Variants in NRG1 observed in about 807,000 individuals in gnomAD.
NRG1 encodes the protein pro-neuregulin-1, membrane-bound isoform.
A neutral mutation model predicts 63.8 loss-of-function variants in NRG1; 18 were observed. The observed-to-expected ratio is 0.28, with a 90% CI of 0.19 to 0.42. NRG1 has a LOEUF of 0.42. Ranked by LOEUF, NRG1 falls within the 10% of genes least tolerant of loss-of-function variation. The probability of loss-of-function intolerance (pLI) is 1.00; values close to 1 mark genes in which losing one functional copy is unlikely to be tolerated. For synonymous variants in NRG1, 302 were observed against 301.3 expected, an observed-to-expected ratio of 1.00 and a Z score of -0.02; for missense variants, 762 against 814.7, an observed-to-expected ratio of 0.94 and a Z score of 0.79.
intron 1 of NRG1, among the ~76,000 whole-genome samples, chr8:32,527,726 C>G (rs918765455): frequency 6.6e-6 from 1 of 152,116 alleles, no homozygotes; most frequent in Non-Finnish European, 1.5e-5. Context: ...CTCATCCTTC[C>G]CTGACCTTTA....
At chr8:32,210,033 G>A (rs2132380687) in intron 1 of NRG1, among the ~76,000 whole-genome samples, 1 of 152,226 alleles carries the variant, frequency 6.6e-6, no homozygotes, top group African/African-American at 2.4e-5. Flanking sequence ...TTCTTCAGAA[G>A]CTTCCTGCAA....
At chr8:32,665,559 T>G (rs1325404456) in intron 5 of NRG1, among the ~76,000 whole-genome samples, 1 of 152,126 alleles carries the variant, frequency 6.6e-6, no homozygotes, top group Non-Finnish European at 1.5e-5. Flanking sequence ...TCCATGTAAT[T>G]TTGGTGATGT....
intron 1 of NRG1, among the ~76,000 whole-genome samples, chr8:32,542,982 C>T (rs1348916231): frequency 6.6e-6 from 1 of 152,124 alleles, no homozygotes; most frequent in Non-Finnish European, 1.5e-5. Flanking sequence ...AAATGATTGT[C>T]ACAGTAGGTA....
intron 1 of NRG1, among the ~76,000 whole-genome samples, chr8:32,205,556 C>T (rs1224715217): frequency 2.0e-5 from 3 of 152,100 alleles, no homozygotes; most frequent in Non-Finnish European, 4.4e-5. Flanking sequence ...ACCTCTCTGG[C>T]ATTGTGAACA....
chr8:32,286,823 C>A (rs983921086), intron 1 of NRG1, among the ~76,000 whole-genome samples: 1 of 152,038 alleles, frequency 6.6e-6, no homozygotes, highest in Non-Finnish European at 1.5e-5. Flanking sequence ...CTGGTGAAAC[C>A]CTGTCTGTAC....
intron 1 of NRG1, among the ~76,000 whole-genome samples, chr8:31,907,357 T>C (rs990089028): frequency 2.0e-4 from 31 of 152,060 alleles, no homozygotes; most frequent in African/African-American, 7.0e-4. Flanking sequence ...TTTTTTTTTT[T>C]TTTTTTAAGT....
intron 1 of NRG1, among the ~76,000 whole-genome samples, chr8:32,413,981 A>T (rs1452378682): frequency 6.6e-6 from 1 of 150,928 alleles, no homozygotes; most frequent in African/African-American, 2.4e-5. Flanking sequence ...GATGCCTAGG[A>T]TATCACATCG....
intron 1 of NRG1, among the ~76,000 whole-genome samples, chr8:31,842,920 C>T (rs1164991689): frequency 6.6e-6 from 1 of 152,114 alleles, no homozygotes; most frequent in African/African-American, 2.4e-5. Context: ...TCCCACCAAA[C>T]CCTGGATTTC....
chr8:32,454,211 C>A (rs1383801164), intron 1 of NRG1, among the ~76,000 whole-genome samples: 1 of 152,052 alleles, frequency 6.6e-6, no homozygotes, highest in African/African-American at 2.4e-5. Context: ...TTGTGTATTA[C>A]CAATTATTTT....
At chr8:32,206,704 T>C (rs967587488) in intron 1 of NRG1, among the ~76,000 whole-genome samples, 1 of 152,222 alleles carries the variant, frequency 6.6e-6, no homozygotes, top group African/African-American at 2.4e-5. Flanking sequence ...TATTGTGTAA[T>C]GGTGAAGTCT....
At chr8:32,356,612 T>A (rs903976971) in intron 1 of NRG1, among the ~76,000 whole-genome samples, 5 of 152,120 alleles carry the variant, frequency 3.3e-5, no homozygotes, top group African/African-American at 9.7e-5. Flanking sequence ...GTTGATCTGC[T>A]ACGTGCAAAT....
At chr8:31,722,860 G>C (rs1563329324) in intron 1 of NRG1, among the ~76,000 whole-genome samples, 2 of 152,110 alleles carry the variant, frequency 1.3e-5, no homozygotes, top group African/African-American at 2.4e-5. Flanking sequence ...AAATTTTAAA[G>C]GTTAATGTGA....
intron 1 of NRG1, among the ~76,000 whole-genome samples, chr8:31,679,852 G>A (rs565350693): frequency 4.1e-4 from 62 of 152,140 alleles, no homozygotes; most frequent in African/African-American, 1.5e-3. Flanking sequence ...GAATAAAAGA[G>A]GTTATCAAAT....
intron 1 of NRG1, among the ~76,000 whole-genome samples, chr8:31,857,198 G>C (rs183582500): frequency 3.5e-4 from 53 of 152,186 alleles, no homozygotes; most frequent in African/African-American, 1.2e-3. Flanking sequence ...AATGGCGGGC[G>C]CCCCTCCCCC....
At chr8:31,927,563 C>A (rs1255149878) in intron 1 of NRG1, among the ~76,000 whole-genome samples, 1 of 148,136 alleles carries the variant, frequency 6.8e-6, no homozygotes, top group Non-Finnish European at 1.5e-5. Flanking sequence ...ATTCTCCTGC[C>A]TCAGCCTCCC....
At chr8:31,820,969 A>C (rs904919896) in intron 1 of NRG1, among the ~76,000 whole-genome samples, 4 of 152,194 alleles carry the variant, frequency 2.6e-5, no homozygotes, top group Non-Finnish European at 5.9e-5. Flanking sequence ...CAGAGATACC[A>C]AAATCCATGG....
intron 5 of NRG1, among the ~76,000 whole-genome samples, chr8:32,656,311 G>C (rs578027495): frequency 6.6e-6 from 1 of 152,126 alleles, no homozygotes; most frequent in East Asian, 1.9e-4. Flanking sequence ...CTAACTGCTA[G>C]AGTAAAAGAG....
intron 1 of NRG1, among the ~76,000 whole-genome samples, chr8:31,735,299 A>G (rs962569030): frequency 6.6e-6 from 1 of 152,160 alleles, no homozygotes; most frequent in African/African-American, 2.4e-5. Flanking sequence ...AAAGAGGAGT[A>G]GATTTATTTA....
At chr8:32,090,353 G>T (rs1828929927) in intron 1 of NRG1, among the ~76,000 whole-genome samples, 1 of 152,084 alleles carries the variant, frequency 6.6e-6, no homozygotes, top group Non-Finnish European at 1.5e-5. Flanking sequence ...TATGTCTTAG[G>T]AAAAGAGTCC....
Sources: gnomAD v4.1 joint callset for allele counts (sites outside exome capture counted in the v4.1 genomes callset) on GRCh38, gnomAD v4.1.1 for gene constraint, MANE v1.5 for transcripts, NCBI Gene and HGNC (gene_info 2026-07-23, HGNC 2026-07-21) for gene names.